ERC1: variants seen among roughly 807,000 people sequenced by gnomAD.
ERC1 encodes ELKS/RAB6-interacting/CAST family member 1.
ERC1 carries 56 observed loss-of-function variants against 132.0 expected under a neutral mutation model. The ratio of observed to expected loss-of-function variants is 0.42; its 90% CI spans 0.34 to 0.53. The LOEUF is 0.53. Ranked by LOEUF, ERC1 falls within the 20% of genes least tolerant of loss-of-function variation. ERC1 has a pLI of 0.03. For synonymous variants in ERC1, 478 were observed against 476.1 expected (o/e 1.00, Z -0.05); for missense variants, 1,202 against 1,349.9 (o/e 0.89, Z 1.72).
At chr12:1,288,186 A>G (rs140542636) in intron 14 of ERC1, among the ~76,000 whole-genome samples, 1 of 152,378 alleles carries the variant, frequency 6.6e-6, no homozygotes, top group South Asian at 2.1e-4. Flanking sequence ...AATTAAACTG[A>G]TAAAATGGAA....
intron 15 of ERC1, among the ~76,000 whole-genome samples, chr12:1,342,778 GA>G: frequency 6.6e-6 from 1 of 152,284 alleles, no homozygotes; most frequent in African/African-American, 2.4e-5. Flanking sequence ...CTAGAGCAAA[GA>G]ATGTTTGAGG....
chr12:1,131,937 G>T (rs1173895591), intron 7 of ERC1, among the ~76,000 whole-genome samples: 2 of 152,186 alleles, frequency 1.3e-5, no homozygotes, highest in African/African-American at 4.8e-5. Flanking sequence ...TGCTGTTCCT[G>T]CAGCTCTGCT....
chr12:1,476,264 A>AG (rs996390307), intron 18 of ERC1, among the ~76,000 whole-genome samples: 31 of 151,772 alleles, frequency 2.0e-4, no homozygotes, highest in South Asian at 6.3e-4. Flanking sequence ...TCAAAAAAAA[A>AG]AAAAAACTTA....
chr12:1,106,269 AGCTGT>A (rs2154200276), intron 4 of ERC1, among the ~76,000 whole-genome samples: 1 of 152,340 alleles, frequency 6.6e-6, no homozygotes, highest in East Asian at 1.9e-4. Flanking sequence ...AATCCATACT[AGCTGT>A]TGCAGCTGTT....
intron 13 of ERC1, among the ~76,000 whole-genome samples, chr12:1,252,040 C>T (rs1470913681): frequency 6.6e-6 from 1 of 151,942 alleles, no homozygotes; most frequent in Non-Finnish European, 1.5e-5. Flanking sequence ...TTACGAGGTA[C>T]ACATGATGTT....
chr12:1,346,692 C>T (rs140222583), intron 15 of ERC1, among the ~76,000 whole-genome samples: 2,605 of 152,094 alleles, frequency 0.017, 39 homozygotes, highest in Non-Finnish European at 0.027. Flanking sequence ...CCTGTAATCC[C>T]AGCACTTTGG....
rs192084693 is a variant in ERC1 at position 1,279,339 on chromosome 12, A to G, written c.2620-10513A>G. 9.5e-4 allele frequency among the ~76,000 whole-genome samples: 145 copies of G among 152,278 alleles called. 1 individual carries two copies. Among genetic ancestry groups the G allele is most frequent in the African/African-American group, 3.4e-3 (140 of 41,566 alleles). On this transcript the variant is annotated intron_variant, in intron 14 of 18. Coordinates refer to ENST00000360905, the MANE Select transcript of ERC1 (RefSeq NM_178040.4). ...CAAAAAATTCTCTAGAAACATGAGT[A>G]GTCGCTCTTCAAGTAATGCATTTGG...
At chr12:1,082,242 G>C (rs1317408764) in intron 2 of ERC1, among the ~76,000 whole-genome samples, 1 of 151,984 alleles carries the variant, frequency 6.6e-6, no homozygotes, top group Admixed American at 6.6e-5. Context: ...TGGCCAGGCT[G>C]GTCTTGAACT....
At chr12:1,300,920 A>G (rs2080344872) in intron 15 of ERC1, among the ~76,000 whole-genome samples, 1 of 152,166 alleles carries the variant, frequency 6.6e-6, no homozygotes, top group Non-Finnish European at 1.5e-5. Flanking sequence ...AAACAAATAC[A>G]GTTTGATCCA....
chr12:1,352,749 G>T (rs1275024261), intron 15 of ERC1, among the ~76,000 whole-genome samples: 1 of 152,212 alleles, frequency 6.6e-6, no homozygotes, highest in Non-Finnish European at 1.5e-5. Flanking sequence ...TTTAATGAGA[G>T]ATTGTTATCG....
At chr12:1,439,675 T>A (rs1447245052) in intron 17 of ERC1, among the ~76,000 whole-genome samples, 2 of 152,200 alleles carry the variant, frequency 1.3e-5, no homozygotes, top group Non-Finnish European at 2.9e-5. Context: ...TCATTATAGC[T>A]GTACAACCAA....
At chr12:1,330,711 C>T (rs1248966802) in intron 15 of ERC1, among the ~76,000 whole-genome samples, 2 of 152,044 alleles carry the variant, frequency 1.3e-5, no homozygotes, top group Non-Finnish European at 2.9e-5. Context: ...AAGTTGAAGA[C>T]TCATCTTGTC....
At chr12:1,438,954 A>AAAAAAAAATATATATATATATATAT (rs1015181197) in intron 17 of ERC1, among the ~76,000 whole-genome samples, 6 of 143,482 alleles carry the variant, frequency 4.2e-5, no homozygotes, top group African/African-American at 1.6e-4. Context: ...TTTAAAAAAA[A>AAAAAAAAATATATATATATATATAT]ATATATATAT....
At chr12:1,116,832 C>T (rs571641433) in intron 7 of ERC1, among the ~76,000 whole-genome samples, 1 of 152,306 alleles carries the variant, frequency 6.6e-6, no homozygotes, top group African/African-American at 2.4e-5. Flanking sequence ...CCGCCCGCCT[C>T]TGCCTCCCAA....
At chr12:1,366,731 G>A (rs2086695326) in intron 15 of ERC1, among the ~76,000 whole-genome samples, 1 of 152,198 alleles carries the variant, frequency 6.6e-6, no homozygotes, top group African/African-American at 2.4e-5. Context: ...AAGGGTGGGA[G>A]TGACGTGCAC....
Position 1,478,348 on chromosome 12 carries a change from T to G in ERC1, c.3214-11745T>G, listed in dbSNP as rs149271296. ...ATGTCTGTTAACCATTTCAGTATAC[T>G]CTTGTGGTCATTCAAGTGTCTTGCC... On this transcript the variant is annotated intron_variant, in intron 18 of 18. Transcript: ENST00000360905. Among the ~76,000 whole-genome samples, 262 of 152,370 alleles carry G rather than the reference T, an allele frequency of 1.7e-3. 1 individual carries two copies. Among genetic ancestry groups the G allele is most frequent in the Non-Finnish European group, 2.3e-3 (155 of 68,038 alleles).
intron 16 of ERC1, among the ~76,000 whole-genome samples, chr12:1,398,062 C>T (rs2090689040): frequency 6.6e-6 from 1 of 152,214 alleles, no homozygotes; most frequent in Non-Finnish European, 1.5e-5. Context: ...CCACTCACTG[C>T]AGCCTCAACC....
At chr12:1,416,845 C>T (rs1017166305) in intron 17 of ERC1, among the ~76,000 whole-genome samples, 1 of 152,126 alleles carries the variant, frequency 6.6e-6, no homozygotes. Flanking sequence ...AATGCTTTTA[C>T]ATATCAGTAG....
intron 8 of ERC1, among the ~76,000 whole-genome samples, chr12:1,173,971 G>A (rs1173190001): frequency 6.6e-6 from 1 of 151,856 alleles, no homozygotes; most frequent in Non-Finnish European, 1.5e-5. Context: ...GCTGGATTCA[G>A]TGGGACTCAC....
Sources: gnomAD v4.1 joint callset for allele counts (sites outside exome capture counted in the v4.1 genomes callset) on GRCh38, gnomAD v4.1.1 for gene constraint, MANE v1.5 for transcripts, NCBI Gene and HGNC (gene_info 2026-07-23, HGNC 2026-07-21) for gene names.